The following PAX7 variants were observed in gnomAD, a reference collection of about 807,000 sequenced individuals.
The protein encoded by PAX7 is paired box protein Pax-7.
PAX7 carries 18 observed loss-of-function variants against 50.7 expected under a neutral mutation model. The ratio of observed to expected loss-of-function variants is 0.36; its 90% CI spans 0.25 to 0.53. The LOEUF (loss-of-function observed/expected upper bound fraction) is 0.53, where lower values mean the gene tolerates loss of function less well. PAX7 is among the 20% of genes least tolerant of loss of function. PAX7 has a pLI of 0.93. For synonymous variants in PAX7, 310 were observed against 290.4 expected (o/e 1.07, Z -0.69); for missense variants, 644 against 702.9 (o/e 0.92, Z 0.95).
At chr1:18,701,364 A>G (rs1286289361) in intron 6 of PAX7, among the ~76,000 whole-genome samples, 5 of 150,562 alleles carry the variant, frequency 3.3e-5, no homozygotes, top group African/African-American at 1.2e-4. Context: ...GTGTGTGCGT[A>G]TGAGTGAGTG....
Position 18,631,019 on chromosome 1 carries a change from G to A in PAX7, c.-585G>A. ...GGACGGGGCTGTGAAAGCTGGTGTG[G>A]AGGGAGAAGCGAGTGTGGTCCGGAG... On this transcript the variant is annotated 5_prime_UTR_variant, in exon 1 of 9. Transcript: ENST00000420770. 1 of 226,394 alleles carries A rather than the reference G, an allele frequency of 4.4e-6. No homozygotes were observed. Among genetic ancestry groups the A allele is most frequent in the Non-Finnish European group, 8.8e-6 (1 of 113,608 alleles). The allele number at this position is 226,394 out of a possible 1,614,324, so 14.0% of individuals were successfully genotyped here. A position where few individuals can be genotyped will look rare whatever the true frequency, so the allele number is the denominator to read the frequency against.
chr1:18,655,266 C>T (rs2088496330), intron 4 of PAX7, among the ~76,000 whole-genome samples: 1 of 152,184 alleles, frequency 6.6e-6, no homozygotes. Context: ...GGTCCCAGCC[C>T]ATGACTACAG....
At position 18,632,631 on chromosome 1, in the gene PAX7, A is replaced by G. The variant is rs893158299; in HGVS notation, c.85+943A>G. On this transcript the variant is annotated intron_variant, in intron 1 of 8. Transcript: ENST00000420770. This position sits in a 1 kb window ranked among gnomAD's most constrained non-coding sequence, Gnocchi z 6.3. ...TAGGGTGTCACAGAGAAGTCATTAG[A>G]AATATGTGCGACTTTTTTTTTTTAA... 2.8e-5 allele frequency among the ~76,000 whole-genome samples: 4 copies of G among 145,284 alleles called. No homozygotes were observed. The highest frequency in any genetic ancestry group is 1.0e-4 in the African/African-American group (4 of 38,476).
rs55871862 is a variant in PAX7, at chr1:18,748,266, C to T, written c.*3337C>T. 2,910 of 227,712 alleles carry T rather than the reference C, an allele frequency of 0.013. 83 individuals are homozygous for T. Among genetic ancestry groups the T allele is most frequent in the African/African-American group, 0.06 (2,695 of 45,064 alleles). The allele number at this position is 227,712 out of a possible 1,614,324, so 14.1% of individuals were successfully genotyped here. A position where few individuals can be genotyped will look rare whatever the true frequency, so the allele number is the denominator to read the frequency against. ...GTGTTTCAAGATGGAGTTGGTGAAG[C>T]ATCCAAGATTTTGGATCCTGGGCCT... On this transcript the variant is annotated 3_prime_UTR_variant, in exon 9 of 9. Coordinates refer to ENST00000420770, the MANE Select transcript of PAX7 (RefSeq NM_001135254.2).
intron 7 of PAX7, among the ~76,000 whole-genome samples, chr1:18,704,050 G>A (rs2089255325): frequency 6.6e-6 from 1 of 152,166 alleles, no homozygotes; most frequent in Non-Finnish European, 1.5e-5. Flanking sequence ...TATGCTAACA[G>A]GTCAGAGCAC....
chr1:18,647,635 A>G (rs1176115373), intron 4 of PAX7, among the ~76,000 whole-genome samples: 2 of 152,120 alleles, frequency 1.3e-5, no homozygotes, highest in African/African-American at 4.8e-5. Flanking sequence ...CACAACCTCA[A>G]AGTAGGCTAG....
At chr1:18,729,351 AG>A (rs2089616946) in intron 7 of PAX7, among the ~76,000 whole-genome samples, 1 of 152,188 alleles carries the variant, frequency 6.6e-6, no homozygotes, top group African/African-American at 2.4e-5. Flanking sequence ...AGGGAGTGGC[AG>A]TAATCCCTGG....
intron 6 of PAX7, among the ~76,000 whole-genome samples, chr1:18,702,149 A>C (rs951872860): frequency 4.7e-5 from 7 of 149,714 alleles, no homozygotes; most frequent in Non-Finnish European, 7.4e-5. Flanking sequence ...CCTGGCCAAC[A>C]TGTGAAACTC....
At chr1:18,685,615 G>A (rs536041338) in intron 4 of PAX7, among the ~76,000 whole-genome samples, 1 of 152,334 alleles carries the variant, frequency 6.6e-6, no homozygotes, top group Admixed American at 6.5e-5. Flanking sequence ...ACTCTGAGCA[G>A]AGGAAGCTCA....
chr1:18,703,253 C>G lies in PAX7; in HGVS notation c.1112C>G (p.Pro371Arg), dbSNP rs1203749207. 2 of 1,614,182 alleles carry G rather than the reference C, an allele frequency of 1.2e-6. No homozygotes were observed. Among genetic ancestry groups the G allele is most frequent in the Non-Finnish European group, 1.7e-6 (2 of 1,180,004 alleles). Residue 371 changes from proline to arginine, a missense_variant, in exon 7 of 9, where the codon CCC (proline) becomes CGC (arginine). Transcript: ENST00000420770. The stretch of plus-strand genomic sequence containing the variant: ...GACAGCTTCATGAATCCGGCGGCGC[C>G]CTCCAACCACATGAACCCGGTCAGC... ...YSDSFMNPAA[P>R]SNHMNPVSNG...
At chr1:18,651,129 G>C (rs2088424240) in intron 4 of PAX7, among the ~76,000 whole-genome samples, 2 of 152,076 alleles carry the variant, frequency 1.3e-5, no homozygotes, top group African/African-American at 2.4e-5. Flanking sequence ...CCCTCTCTCA[G>C]CCTTAGTTTT....
intron 4 of PAX7, 77 bp from the exon 5 acceptor site, chr1:18,691,677 G>A: frequency 7.4e-7 from 1 of 1,351,446 alleles, no homozygotes; most frequent in Non-Finnish European, 1.0e-6. Flanking sequence ...AGTGTGCCTT[G>A]TGCTCTCCTC....
chr1:18,653,109 C>G (rs1024901987), intron 4 of PAX7, among the ~76,000 whole-genome samples: 3 of 152,154 alleles, frequency 2.0e-5, no homozygotes, highest in African/African-American at 7.2e-5. Flanking sequence ...TGGGGAATGG[C>G]CTTCCCTGTC....
At chr1:18,671,320 G>C (rs991452320) in intron 4 of PAX7, among the ~76,000 whole-genome samples, 1 of 152,212 alleles carries the variant, frequency 6.6e-6, no homozygotes, top group East Asian at 1.9e-4. Flanking sequence ...CAGTGTGCAG[G>C]CCCTAAGTGA....
intron 7 of PAX7, among the ~76,000 whole-genome samples, chr1:18,734,158 C>T (rs192343554): frequency 1.3e-5 from 2 of 152,272 alleles, no homozygotes; most frequent in East Asian, 1.9e-4. Flanking sequence ...GTCGGCAAAA[C>T]GATCACTGCT....
chr1:18,692,892 G>C (rs2089094928), intron 5 of PAX7, among the ~76,000 whole-genome samples: 1 of 152,170 alleles, frequency 6.6e-6, no homozygotes, highest in African/African-American at 2.4e-5. Flanking sequence ...CTCTCTGTCA[G>C]TGGGTTGAGG....
intron 7 of PAX7, among the ~76,000 whole-genome samples, chr1:18,724,095 CG>C (rs1357716421): frequency 6.6e-6 from 1 of 152,202 alleles, no homozygotes; most frequent in Non-Finnish European, 1.5e-5. Flanking sequence ...GTGGGCCGGC[CG>C]GGAACCACCC....
chr1:18,745,692 A>G lies in PAX7; in HGVS notation c.*763A>G, dbSNP rs116061259. The G allele has an allele frequency of 3.4e-3, 794 of 231,290 alleles. 7 individuals carry two copies. Among genetic ancestry groups the G allele is most frequent in the African/African-American group, 0.015 (669 of 45,350 alleles). 14.3% of individuals were successfully genotyped at this position (231,290 alleles called of 1,614,324 possible). A position where few individuals can be genotyped will look rare whatever the true frequency, so the allele number is the denominator to read the frequency against. On this transcript the variant is annotated 3_prime_UTR_variant, in exon 9 of 9. Transcript: ENST00000420770. ...GGCCCGCCCAGGATACAAGGACCCA[A>G]CTCAGGCTTCTGGAAGCAGAGGGCT...
chr1:18,691,444 C>T (rs1186668663), intron 4 of PAX7, among the ~76,000 whole-genome samples: 1 of 152,154 alleles, frequency 6.6e-6, no homozygotes, highest in Non-Finnish European at 1.5e-5. Flanking sequence ...TGGAAATAAA[C>T]AAAATGCCCA....
Sources: allele counts gnomAD v4.1 joint callset (sites outside exome capture counted in the v4.1 genomes callset), GRCh38; gene constraint gnomAD v4.1.1; non-coding constraint Gnocchi (gnomAD v3.1); transcripts MANE v1.5; gene names NCBI Gene and HGNC (gene_info 2026-07-23, HGNC 2026-07-21).